Variants in MYCBP2 observed in about 807,000 individuals in gnomAD.
MYCBP2 encodes the protein MYC binding protein 2, also known as E3 ubiquitin-protein ligase MYCBP2.
In MYCBP2, 120 loss-of-function variants were observed where a neutral mutation model predicts 525.3. That is an observed-to-expected ratio of 0.23 (90% CI 0.20 to 0.27). MYCBP2 has a LOEUF of 0.27. MYCBP2 is among the 10% of genes least tolerant of loss of function. The pLI, the probability that MYCBP2 is intolerant of heterozygous loss-of-function variation, is 1.00. For synonymous variants in MYCBP2, 1,894 were observed against 1,955.8 expected (o/e 0.97, Z 0.83); for missense variants, 4,149 against 5,657.1 (o/e 0.73, Z 8.55).
chr13:77,221,277 G>A (rs1387724447), intron 20 of MYCBP2, among the ~76,000 whole-genome samples: 2 of 152,166 alleles, frequency 1.3e-5, no homozygotes, highest in Non-Finnish European at 2.9e-5. Flanking sequence ...GAGGAAGTCT[G>A]GCCTGAAACT....
At chr13:77,118,524 A>G (rs766132191) in intron 55 of MYCBP2, 1 of 763,868 alleles carries the variant, frequency 1.3e-6, no homozygotes, top group South Asian at 1.3e-5. Context: ...TCAAAACTAC[A>G]ACTCGTTATT....
intron 17 of MYCBP2, among the ~76,000 whole-genome samples, chr13:77,241,454 A>C (rs187154642): frequency 1.3e-5 from 2 of 152,322 alleles, no homozygotes; most frequent in Admixed American, 1.3e-4. Context: ...ATATTTCTAA[A>C]GAAAGAAGAA....
intron 17 of MYCBP2, among the ~76,000 whole-genome samples, chr13:77,237,106 T>A (rs1256101744): frequency 2.6e-5 from 4 of 152,170 alleles, no homozygotes; most frequent in Admixed American, 2.6e-4. Flanking sequence ...TTTAAGAATA[T>A]TTATTACAGT....
At chr13:77,050,179 G>A (rs1367630474) in intron 82 of MYCBP2, among the ~76,000 whole-genome samples, 1 of 152,112 alleles carries the variant, frequency 6.6e-6, no homozygotes, top group African/African-American at 2.4e-5. Flanking sequence ...GAGTGCTGAA[G>A]GGTTGATACG....
intron 26 of MYCBP2, among the ~76,000 whole-genome samples, chr13:77,196,911 T>G (rs1024557016): frequency 4.6e-5 from 7 of 152,268 alleles, no homozygotes; most frequent in African/African-American, 1.7e-4. Context: ...GAGAATACTT[T>G]TAAAAGATGT....
At chr13:77,202,447 C>A (rs948576965) in intron 26 of MYCBP2, among the ~76,000 whole-genome samples, 9 of 152,140 alleles carry the variant, frequency 5.9e-5, no homozygotes. Flanking sequence ...GGATTCACAG[C>A]CGAATTCTAC....
chr13:77,164,326 A>G (rs149528360), intron 43 of MYCBP2, 128 bp downstream of exon 43: 11 of 639,276 alleles, frequency 1.7e-5, no homozygotes, highest in African/African-American at 1.6e-4. Flanking sequence ...CAGTACATGA[A>G]GCAGTTATTG....
At chr13:77,150,636 G>C in intron 47 of MYCBP2, 98 bp downstream of exon 47, 4 of 926,180 alleles carry the variant, frequency 4.3e-6, no homozygotes, top group Non-Finnish European at 6.7e-6. Flanking sequence ...AATGCTCTTT[G>C]GACTTACAAT....
chr13:77,204,268 A>T (rs985407586), intron 26 of MYCBP2, among the ~76,000 whole-genome samples: 18 of 152,124 alleles, frequency 1.2e-4, no homozygotes, highest in African/African-American at 3.9e-4. Flanking sequence ...AAAAGAAGAC[A>T]TTTATGCAGC....
chr13:77,052,179 C>T (rs542588067), intron 80 of MYCBP2, among the ~76,000 whole-genome samples: 76 of 152,058 alleles, frequency 5.0e-4, no homozygotes, highest in African/African-American at 1.8e-3. Context: ...CTTCCCTTCT[C>T]TTCTCTTCTC....
At chr13:77,145,292 C>G (rs1246732742) in intron 48 of MYCBP2, among the ~76,000 whole-genome samples, 1 of 152,164 alleles carries the variant, frequency 6.6e-6, no homozygotes, top group Admixed American at 6.6e-5. Context: ...GACAACTCTT[C>G]CTATCTTGAA....
chr13:77,130,715 T>C (rs2052622939), intron 52 of MYCBP2, among the ~76,000 whole-genome samples: 1 of 152,182 alleles, frequency 6.6e-6, no homozygotes, highest in African/African-American at 2.4e-5. Flanking sequence ...TGTAGAGTAC[T>C]TGGTCAATGG....
intron 55 of MYCBP2, among the ~76,000 whole-genome samples, chr13:77,111,933 T>C (rs2048894509): frequency 6.6e-6 from 1 of 152,112 alleles, no homozygotes; most frequent in African/African-American, 2.4e-5. Context: ...AGCCCCAACC[T>C]CTCTAGTCTA....
chr13:77,245,602 G>A (rs554767717), intron 15 of MYCBP2, among the ~76,000 whole-genome samples: 4 of 140,512 alleles, frequency 2.8e-5, no homozygotes, highest in Middle Eastern at 3.5e-3. Flanking sequence ...ACTGGGGCCT[G>A]TTGGGGGGTG....
intron 3 of MYCBP2, among the ~76,000 whole-genome samples, chr13:77,286,755 CAAAAAAAAAAAAAAAAAAA>C (rs869038227): frequency 1.8e-4 from 2 of 11,360 alleles, no homozygotes; most frequent in African/African-American, 9.1e-4. Flanking sequence ...GACTCCGTCT[CAAAAAAAAAAAAAAAAAAA>C]AAAAAAAAAA....
At chr13:77,245,335 G>A (rs1202194145) in intron 15 of MYCBP2, among the ~76,000 whole-genome samples, 1 of 152,096 alleles carries the variant, frequency 6.6e-6, no homozygotes, top group Non-Finnish European at 1.5e-5. Flanking sequence ...ATTCACAATA[G>A]CAAAGACTTG....
At chr13:77,246,357 C>T (rs1207779153) in intron 15 of MYCBP2, among the ~76,000 whole-genome samples, 1 of 151,844 alleles carries the variant, frequency 6.6e-6, no homozygotes, top group African/African-American at 2.4e-5. Flanking sequence ...TTTATGACAC[C>T]AATTCTCAAA....
intron 80 of MYCBP2, among the ~76,000 whole-genome samples, chr13:77,052,481 G>A (rs924249986): frequency 6.6e-6 from 1 of 152,234 alleles, no homozygotes; most frequent in East Asian, 1.9e-4. Context: ...TTATTGGCAT[G>A]AGCCACATGC....
chr13:77,047,032 T>C (rs1308223289), intron 82 of MYCBP2, among the ~76,000 whole-genome samples: 7 of 152,088 alleles, frequency 4.6e-5, no homozygotes, highest in African/African-American at 1.4e-4. Flanking sequence ...AATGAGTCAT[T>C]TACTCAACAA....
Sources: allele counts gnomAD v4.1 joint callset (sites outside exome capture counted in the v4.1 genomes callset), GRCh38; gene constraint gnomAD v4.1.1; transcripts MANE v1.5; gene names NCBI Gene and HGNC (gene_info 2026-07-23, HGNC 2026-07-21).